The following RANBP9 variants were observed in gnomAD, a reference collection of about 807,000 sequenced individuals.
RANBP9 encodes the protein RAN binding protein 9.
In RANBP9, 15 loss-of-function variants were observed where a neutral mutation model predicts 84.3. The observed-to-expected ratio is 0.18, with a 90% CI of 0.12 to 0.27. The LOEUF is 0.27. Ranked by LOEUF, RANBP9 falls within the 10% of genes least tolerant of loss-of-function variation. The probability of loss-of-function intolerance (pLI) is 1.00; values close to 1 mark genes in which losing one functional copy is unlikely to be tolerated. For missense variants in RANBP9, 809 were observed against 912.8 expected, an observed-to-expected ratio of 0.89 and a Z score of 1.46; for synonymous variants, 392 against 349.6, an observed-to-expected ratio of 1.12 and a Z score of -1.35.
intron 5 of RANBP9, among the ~76,000 whole-genome samples, chr6:13,648,140 G>GT (rs1491513627): frequency 8.1e-6 from 1 of 122,868 alleles, no homozygotes; most frequent in South Asian, 2.8e-4. Context: ...TTATATGACT[G>GT]GTTTTTTTTT....
At position 13,688,692 on chromosome 6, in the gene RANBP9, T is replaced by A. The variant is rs944129819; in HGVS notation, c.683+8093A>T. 8.6e-5 allele frequency among the ~76,000 whole-genome samples: 13 copies of A among 151,662 alleles called. No homozygotes were observed. In the East Asian group the frequency reaches 1.9e-3, roughly 23 times the overall value. ...ATTTTCCTCCTGTTATTTTTTTTTT[T>A]AAATCTCTATCACACTCTATCCTCA... On this transcript the variant is annotated intron_variant, in intron 2 of 13. Transcript: ENST00000011619.
At chr6:13,647,546 G>T (rs892772676) in intron 5 of RANBP9, among the ~76,000 whole-genome samples, 3 of 152,082 alleles carry the variant, frequency 2.0e-5, no homozygotes, top group African/African-American at 7.2e-5. Context: ...TATATGGTAT[G>T]ACCCTATCTT....
intron 2 of RANBP9, 49 bp downstream of exon 2, chr6:13,696,736 C>A: frequency 1.3e-6 from 2 of 1,490,626 alleles, no homozygotes; most frequent in East Asian, 2.3e-5. Flanking sequence ...ACATTATGAA[C>A]CAAAACAAAA....
At chr6:13,698,273 G>A (rs1197933611) in intron 1 of RANBP9, among the ~76,000 whole-genome samples, 2 of 152,096 alleles carry the variant, frequency 1.3e-5, no homozygotes, top group Non-Finnish European at 2.9e-5. Context: ...GGCTAGGCAA[G>A]ACAAAAATGG....
intron 2 of RANBP9, among the ~76,000 whole-genome samples, chr6:13,664,576 T>C (rs147700457): frequency 1.5e-4 from 23 of 152,250 alleles, no homozygotes; most frequent in Non-Finnish European, 3.4e-4. Context: ...GTAAGATGAC[T>C]ATAGTTCACA....
chr6:13,636,252 A>G (rs1435027392), intron 10 of RANBP9, among the ~76,000 whole-genome samples: 1 of 152,218 alleles, frequency 6.6e-6, no homozygotes, highest in Non-Finnish European at 1.5e-5. Context: ...AATTGACCTT[A>G]AGAAAAAAAA....
intron 4 of RANBP9, among the ~76,000 whole-genome samples, chr6:13,653,467 G>C (rs146137349): frequency 2.3e-3 from 345 of 152,226 alleles, no homozygotes; most frequent in African/African-American, 7.9e-3. Flanking sequence ...TTTAGCTCTA[G>C]AATAATGGGA....
At chr6:13,626,266 G>C (rs1405944473) in intron 12 of RANBP9, among the ~76,000 whole-genome samples, 1 of 152,214 alleles carries the variant, frequency 6.6e-6, no homozygotes, top group African/African-American at 2.4e-5. Flanking sequence ...TATGCATTCA[G>C]TATTTCCAAC....
chr6:13,642,294 CAT>C (rs1765085004), intron 7 of RANBP9, among the ~76,000 whole-genome samples, 183 bp downstream of exon 7: 1 of 152,058 alleles, frequency 6.6e-6, no homozygotes. Flanking sequence ...AGAATTCTGA[CAT>C]AGTCCTATGT....
chr6:13,657,074 T>G, intron 4 of RANBP9, 35 bp downstream of exon 4: 1 of 1,521,872 alleles, frequency 6.6e-7, no homozygotes, highest in Non-Finnish European at 9.0e-7. Context: ...ATCTCCATAT[T>G]TGGTTATTTT....
rs1765322256 is a variant in RANBP9, at chr6:13,652,676, C to A, written c.910G>T (p.Ala304Ser). ...YTKNGHSLGIAFTDLPPNLYP... is the reference protein window; with the variant it reads ...YTKNGHSLGISFTDLPPNLYP... ...AGTCTTACCGGTAGGTCAGTGAAAGCAATACCTAAAAAGAAAAAAAAAAGT... is the reference window on the plus strand; with the variant it reads ...AGTCTTACCGGTAGGTCAGTGAAAGAAATACCTAAAAAGAAAAAAAAAAGT... The change falls in exon 5 of 14, where the codon GCT (alanine) becomes TCT (serine). Residue 304 changes from alanine (A) to serine (S), a missense_variant. By Grantham distance (99) the Ala-to-Ser change is moderately conservative (BLOSUM62 1). Transcript: ENST00000011619. 1 of 1,591,774 alleles carries A rather than the reference C, an allele frequency of 6.3e-7. No homozygotes were observed. The highest frequency in any genetic ancestry group is 1.1e-5 in the South Asian group (1 of 89,008).
At chr6:13,633,290 T>A (rs7745101) in intron 11 of RANBP9, among the ~76,000 whole-genome samples, 75,386 of 152,030 alleles carry the variant, frequency 0.5, 19,584 homozygotes, top group Admixed American at 0.57. Context: ...CACCTCGGCC[T>A]CCCAAAGTGC....
intron 2 of RANBP9, among the ~76,000 whole-genome samples, chr6:13,675,783 C>T (rs1410238901): frequency 3.3e-5 from 5 of 150,018 alleles, no homozygotes; most frequent in African/African-American, 1.2e-4. Flanking sequence ...ACATAAGAAA[C>T]TATTATTATC....
chr6:13,663,033 A>T (rs1044184634), intron 2 of RANBP9, among the ~76,000 whole-genome samples: 5 of 152,180 alleles, frequency 3.3e-5, no homozygotes, highest in African/African-American at 9.6e-5. Context: ...ATAATTCCCC[A>T]AATTTGGTAA....
chr6:13,683,452 T>A (rs1026027146), intron 2 of RANBP9, among the ~76,000 whole-genome samples: 96 of 152,206 alleles, frequency 6.3e-4, no homozygotes, highest in African/African-American at 2.1e-3. Flanking sequence ...GAAATTTTCT[T>A]CCTGAATTTT....
intron 10 of RANBP9, among the ~76,000 whole-genome samples, chr6:13,635,558 T>G (rs1244149150): frequency 6.6e-6 from 1 of 151,366 alleles, no homozygotes; most frequent in Non-Finnish European, 1.5e-5. Flanking sequence ...GGTAACAAAT[T>G]CTAACACCTT....
intron 6 of RANBP9, 24 bp from the exon 7 acceptor site, chr6:13,642,615 A>G: frequency 2.1e-6 from 3 of 1,455,450 alleles, no homozygotes; most frequent in Non-Finnish European, 2.9e-6. Context: ...GAAGAAACAT[A>G]CATCTTTTAG....
chr6:13,633,502 C>T (rs931108322), intron 11 of RANBP9, among the ~76,000 whole-genome samples: 3 of 152,102 alleles, frequency 2.0e-5, no homozygotes, highest in Admixed American at 1.3e-4. Flanking sequence ...CTTATGAGGT[C>T]GTTATTATAC....
Position 13,702,851 on chromosome 6 carries a change from C to A in RANBP9, c.572-5955G>T, listed in dbSNP as rs554792819. Among the ~76,000 whole-genome samples the A allele has an allele frequency of 3.3e-5, 5 of 152,282 alleles. 1 individual carries two copies. Among genetic ancestry groups the A allele is most frequent in the African/African-American group, 1.2e-4 (5 of 41,548 alleles). On this transcript the variant is annotated intron_variant, in intron 1 of 13. Coordinates refer to ENST00000011619, the MANE Select transcript of RANBP9 (RefSeq NM_005493.3). ...TACTTGGTCCTTTCATTTACTCTTT[C>A]AACCCACTGAAATCTGGTTTTTGCC... is the stretch of plus-strand genomic sequence containing the variant.
Sources: gnomAD v4.1 joint callset for allele counts (sites outside exome capture counted in the v4.1 genomes callset) on GRCh38, gnomAD v4.1.1 for gene constraint, MANE v1.5 for transcripts, NCBI Gene and HGNC (gene_info 2026-07-23, HGNC 2026-07-21) for gene names.